PCDHGA9: variants seen among roughly 807,000 people sequenced by gnomAD.
PCDHGA9 encodes protocadherin gamma subfamily A, 9, also known as protocadherin gamma-A9.
A neutral mutation model predicts 62.5 loss-of-function variants in PCDHGA9; 37 were observed. The ratio of observed to expected loss-of-function variants is 0.59; its 90% CI spans 0.46 to 0.78. The LOEUF is 0.78. Among genes scored for constraint, PCDHGA9 ranks in the 30% least tolerant of loss-of-function variants. PCDHGA9 has a pLI of 0.00. For synonymous variants in PCDHGA9, 459 were observed against 484.6 expected (o/e 0.95, Z 0.69); for missense variants, 1,138 against 1,166.2 (o/e 0.98, Z 0.35).
chr5:141,478,106 G>A (rs1474192496), intron 1 of PCDHGA9: 1 of 1,613,928 alleles, frequency 6.2e-7, no homozygotes, highest in Non-Finnish European at 8.5e-7. Context: ...TACCCTCACT[G>A]TGTCAGTAAC....
At chr5:141,422,302 G>A (rs749870505) in intron 1 of PCDHGA9, 2 of 1,549,012 alleles carry the variant, frequency 1.3e-6, no homozygotes, top group Admixed American at 4.3e-5. Flanking sequence ...TTCAATTCTG[G>A]AAAACTCTCC....
At chr5:141,502,488 T>A (rs1273845698) in intron 2 of PCDHGA9, among the ~76,000 whole-genome samples, 1 of 152,236 alleles carries the variant, frequency 6.6e-6, no homozygotes, top group Non-Finnish European at 1.5e-5. Context: ...ACACTGGGAC[T>A]CATCTAACGT....
At chr5:141,421,281 C>T in intron 1 of PCDHGA9, 2 of 1,612,970 alleles carry the variant, frequency 1.2e-6, no homozygotes, top group South Asian at 2.2e-5. Flanking sequence ...TGCTGCTGTG[C>T]ATTTTCCTGG....
At position 141,404,610 on chromosome 5, in the gene PCDHGA9, T is replaced by G. The variant is rs1207198913; in HGVS notation, c.1658T>G (p.Leu553Trp). 6.2e-7 allele frequency: 1 copy of G among 1,614,130 alleles called. No individual in the cohort carries two copies. ...SSNVSLRLFVLDQNDNAPEIL... is the reference protein window; with the variant it reads ...SSNVSLRLFVWDQNDNAPEIL... Reference sequence around the variant, plus strand: ...AATGTGTCATTGAGACTGTTTGTTTTGGACCAGAATGACAATGCCCCAGAA... The same window carrying G: ...AATGTGTCATTGAGACTGTTTGTTTGGGACCAGAATGACAATGCCCCAGAA... The change falls in exon 1 of 4, where the codon TTG (leucine) becomes TGG (tryptophan). Residue 553 changes from leucine (L) to tryptophan (W), a missense_variant. Physicochemically the swap from Leu to Trp is moderately conservative, Grantham distance 61. Coordinates refer to ENST00000573521, the MANE Select transcript of PCDHGA9 (RefSeq NM_018921.3).
At chr5:141,414,899 G>T (rs756810046) in intron 1 of PCDHGA9, 1 of 1,614,182 alleles carries the variant, frequency 6.2e-7, no homozygotes, top group Non-Finnish European at 8.5e-7. Context: ...CCCACAGACG[G>T]TTCCACAGGC....
chr5:141,443,274 A>G (rs1259320198), intron 1 of PCDHGA9, among the ~76,000 whole-genome samples: 12 of 151,534 alleles, frequency 7.9e-5, no homozygotes, highest in African/African-American at 1.7e-4. Context: ...TGAGCCCAGG[A>G]GTTTGAGACC....
At chr5:141,420,086 TAC>T (rs1396904191) in intron 1 of PCDHGA9, 2 of 1,614,002 alleles carry the variant, frequency 1.2e-6, no homozygotes, top group Non-Finnish European at 1.7e-6. Context: ...TCCCCCCAAC[TAC>T]AGTGAGGGAA....
At chr5:141,433,318 G>A (rs1659490277) in intron 1 of PCDHGA9, 2 of 788,746 alleles carry the variant, frequency 2.5e-6, no homozygotes, top group Non-Finnish European at 4.0e-6. Context: ...CTTTGCCTCC[G>A]GTGTAACAGG....
intron 1 of PCDHGA9, among the ~76,000 whole-genome samples, chr5:141,426,066 A>T (rs1488003387): frequency 6.6e-6 from 1 of 152,196 alleles, no homozygotes; most frequent in Admixed American, 6.5e-5. Context: ...CAAGAACTGG[A>T]GCCTGGGATC....
chr5:141,481,646 C>T (rs1425216422), intron 1 of PCDHGA9, among the ~76,000 whole-genome samples: 1 of 151,950 alleles, frequency 6.6e-6, no homozygotes, highest in African/African-American at 2.4e-5. Flanking sequence ...GGTGAAACTT[C>T]ATCTCTACTA....
chr5:141,455,961 G>C (rs1447678052), intron 1 of PCDHGA9, among the ~76,000 whole-genome samples: 1 of 150,954 alleles, frequency 6.6e-6, no homozygotes, highest in African/African-American at 2.4e-5. Context: ...GCAGTGGCGC[G>C]ATCTCAGCTC....
At chr5:141,502,400 C>T (rs964923206) in intron 2 of PCDHGA9, among the ~76,000 whole-genome samples, 2 of 151,748 alleles carry the variant, frequency 1.3e-5, no homozygotes, top group African/African-American at 4.8e-5. Flanking sequence ...AAAATGTCCC[C>T]GAACCTGGAT....
Position 141,491,401 on chromosome 5 carries a change from G to T in PCDHGA9, c.2425-3406G>T, listed in dbSNP as rs1442005704. ...GTCAGCGAAGTGCCTTCAGGGAAAC[G>T]CAGACGGGGACGGGGGTGGAGGGCA... On this transcript the variant is annotated intron_variant, in intron 1 of 3. Coordinates refer to ENST00000573521, the MANE Select transcript of PCDHGA9 (RefSeq NM_018921.3). The surrounding 1 kb of genome is among the most constrained non-coding windows in gnomAD (Gnocchi z 6.9). 1.2e-6 allele frequency: 2 copies of T among 1,614,102 alleles called. No homozygotes were observed. Among genetic ancestry groups the T allele is most frequent in the Non-Finnish European group, 1.7e-6 (2 of 1,179,990 alleles).
intron 1 of PCDHGA9, among the ~76,000 whole-genome samples, chr5:141,447,724 A>T (rs2098549653): frequency 6.6e-6 from 1 of 152,126 alleles, no homozygotes. Flanking sequence ...ATTTTCCAAA[A>T]CTCATTGAAC....
At position 141,433,030 on chromosome 5, in the gene PCDHGA9, T is replaced by C. The variant is rs116611363; in HGVS notation, c.2424+27654T>C. ...TCCTGCAGACCTATTCCCACGAGGTTTCCCTCACCACGGACTCGCGGAAGA... is the reference window on the plus strand; with the variant it reads ...TCCTGCAGACCTATTCCCACGAGGTCTCCCTCACCACGGACTCGCGGAAGA... On this transcript the variant is annotated intron_variant, in intron 1 of 3. Transcript: ENST00000573521. 10,352 of 1,614,096 alleles carry C rather than the reference T, an allele frequency of 6.4e-3. 43 individuals are homozygous for C. The highest frequency in any genetic ancestry group is 8.6e-3 in the Middle Eastern group (52 of 6,062).
intron 1 of PCDHGA9, chr5:141,419,384 G>T (rs1383174444): frequency 1.2e-6 from 2 of 1,613,554 alleles, no homozygotes; most frequent in East Asian, 2.2e-5. Flanking sequence ...GTCCGTGAGC[G>T]CGCAGAGCGG....
At position 141,433,358 on chromosome 5, in the gene PCDHGA9, C is replaced by CTATCTAT. The variant is rs2097585632; in HGVS notation, c.2424+27982_2424+27983insTATCTAT. ...ACAGGTGCAAGCCACCTACTGTCTG[C>CTATCTAT]CTATCTATCTATCTATCTATCTATC... On this transcript the variant is annotated intron_variant, in intron 1 of 3. Coordinates refer to ENST00000573521, the MANE Select transcript of PCDHGA9 (RefSeq NM_018921.3). 11 of 503,932 alleles carry CTATCTAT rather than the reference C, an allele frequency of 2.2e-5. No individual in the cohort carries two copies. The African/African-American group carries it at 2.3e-4, about 10-fold the overall frequency. The allele number at this position is 503,932 out of a possible 1,614,324, so 31.2% of individuals were successfully genotyped here.
chr5:141,413,371 C>T lies in PCDHGA9; in HGVS notation c.2424+7995C>T, dbSNP rs752898022. 3.7e-6 allele frequency: 6 copies of T among 1,613,966 alleles called. No individual in the cohort carries two copies. In the Admixed American group the frequency reaches 8.3e-5, roughly 22 times the overall value. On this transcript the variant is annotated intron_variant, in intron 1 of 3. Coordinates refer to ENST00000573521, the MANE Select transcript of PCDHGA9 (RefSeq NM_018921.3). ...TCTGGCGCCCCGGGAGCTGGCGGAG[C>T]GCGGAGTCCGCATAGTCTCCAGAGG...
Position 141,477,553 on chromosome 5 carries a change from A to G in PCDHGA9, c.2425-17254A>G. ...TCCCCGGGGCTCCAATACTAAACCTAAGTGTCTGGGACCCCGACGCCCCGC... is the reference window on the plus strand; with the variant it reads ...TCCCCGGGGCTCCAATACTAAACCTGAGTGTCTGGGACCCCGACGCCCCGC... On this transcript the variant is annotated intron_variant, in intron 1 of 3. Transcript: ENST00000573521. This position sits in a 1 kb window ranked among gnomAD's most constrained non-coding sequence, Gnocchi z 4.9. 5 of 1,614,090 alleles carry G rather than the reference A, an allele frequency of 3.1e-6. No individual in the cohort carries two copies. The highest frequency in any genetic ancestry group is 4.2e-6 in the Non-Finnish European group (5 of 1,180,020).
Sources: allele counts gnomAD v4.1 joint callset (sites outside exome capture counted in the v4.1 genomes callset), GRCh38; gene constraint gnomAD v4.1.1; non-coding constraint Gnocchi (gnomAD v3.1); transcripts MANE v1.5; gene names NCBI Gene and HGNC (gene_info 2026-07-23, HGNC 2026-07-21).